The following ERC2 variants were observed in gnomAD, a reference collection of about 807,000 sequenced individuals.
The protein encoded by ERC2 is ELKS/RAB6-interacting/CAST family member 2.
In ERC2, 42 loss-of-function variants were observed where a neutral mutation model predicts 114.8. That is an observed-to-expected ratio of 0.37 (90% CI 0.29 to 0.47). The LOEUF (loss-of-function observed/expected upper bound fraction) is 0.47. Ranked by LOEUF, ERC2 falls within the 20% of genes least tolerant of loss-of-function variation. The pLI is 0.99. For synonymous variants in ERC2, 454 were observed against 425.5 expected, an observed-to-expected ratio of 1.07 and a Z score of -0.82; for missense variants, 939 against 1,150.7, an observed-to-expected ratio of 0.82 and a Z score of 2.66.
intron 4 of ERC2, among the ~76,000 whole-genome samples, chr3:56,168,665 T>C (rs1165035602): frequency 1.4e-4 from 22 of 152,200 alleles, no homozygotes. Flanking sequence ...GACTTCACAG[T>C]GTTCCAGTAC....
At chr3:55,608,665 T>C (rs2058751711) in intron 17 of ERC2, among the ~76,000 whole-genome samples, 1 of 152,210 alleles carries the variant, frequency 6.6e-6, no homozygotes, top group Non-Finnish European at 1.5e-5. Flanking sequence ...TAAACACCCT[T>C]GCTTCATTTG....
intron 2 of ERC2, among the ~76,000 whole-genome samples, chr3:56,331,028 T>A (rs769698387): frequency 5.3e-5 from 8 of 152,192 alleles, no homozygotes; most frequent in Admixed American, 2.0e-4. Flanking sequence ...AATTAACCAC[T>A]TGATATTTGT....
At chr3:55,606,385 T>C (rs2058642531) in intron 17 of ERC2, among the ~76,000 whole-genome samples, 2 of 152,082 alleles carry the variant, frequency 1.3e-5, no homozygotes, top group Admixed American at 1.3e-4. Flanking sequence ...ATTCAAAACA[T>C]CAAAAGCCAC....
chr3:55,705,592 C>T (rs944944968), intron 15 of ERC2, among the ~76,000 whole-genome samples: 4 of 151,388 alleles, frequency 2.6e-5, no homozygotes, highest in African/African-American at 9.7e-5. Flanking sequence ...ATGGGCCAGG[C>T]TCTTGGCATC....
chr3:56,185,845 G>A (rs1206099145), intron 3 of ERC2, among the ~76,000 whole-genome samples: 2 of 152,110 alleles, frequency 1.3e-5, no homozygotes, highest in Non-Finnish European at 2.9e-5. Context: ...TATAAAAGCT[G>A]AGAACTTTCT....
chr3:56,230,933 T>G (rs1560424512), intron 3 of ERC2, among the ~76,000 whole-genome samples: 1 of 152,236 alleles, frequency 6.6e-6, no homozygotes, highest in Non-Finnish European at 1.5e-5. Flanking sequence ...AAATTAAAAA[T>G]AGGATTAAAA....
intron 3 of ERC2, among the ~76,000 whole-genome samples, chr3:56,220,535 C>A (rs894054759): frequency 2.0e-5 from 3 of 152,170 alleles, no homozygotes; most frequent in Admixed American, 6.5e-5. Context: ...CGACTCACGG[C>A]CCAAAGCACA....
chr3:56,050,376 G>A (rs1342353870), intron 7 of ERC2, among the ~76,000 whole-genome samples: 1 of 152,212 alleles, frequency 6.6e-6, no homozygotes, highest in Non-Finnish European at 1.5e-5. Flanking sequence ...AGGGACCAGA[G>A]TAGAAACAAG....
At chr3:55,951,634 G>C (rs763384096) in intron 12 of ERC2, among the ~76,000 whole-genome samples, 2 of 152,220 alleles carry the variant, frequency 1.3e-5, no homozygotes, top group East Asian at 3.9e-4. Context: ...AGGGCAGTAC[G>C]GAGGGCTCGG....
At chr3:55,607,455 C>T (rs2058687523) in intron 17 of ERC2, among the ~76,000 whole-genome samples, 1 of 152,136 alleles carries the variant, frequency 6.6e-6, no homozygotes, top group African/African-American at 2.4e-5. Flanking sequence ...CTCAGCCATT[C>T]TGCAGCCTGT....
rs1222944036 is a variant in ERC2, at chr3:56,434,885, G to T, written c.123C>A (p.Gly41=). ...GGATATTCTCCATAGACAGAGTCTT[G>T]CCTGTTCCTCCACCTCCCCCACTAC... ...RTSSGGGGGT[G]KTLSMENIQS... Residue 41 remains glycine, a synonymous_variant, in exon 2 of 18, where the codon GGC becomes GGA. Transcript: ENST00000288221. 6.2e-6 allele frequency: 10 copies of T among 1,613,708 alleles called. No individual in the cohort carries two copies. The highest frequency in any genetic ancestry group is 2.2e-5 in the South Asian group (2 of 91,056).
intron 13 of ERC2, among the ~76,000 whole-genome samples, chr3:55,942,994 G>C (rs1385471459): frequency 6.6e-6 from 1 of 152,198 alleles, no homozygotes; most frequent in Non-Finnish European, 1.5e-5. Context: ...ATCTATTTGA[G>C]CTATTGGAAA....
At chr3:55,699,921 G>T (rs562629132) in intron 15 of ERC2, among the ~76,000 whole-genome samples, 14 of 152,122 alleles carry the variant, frequency 9.2e-5, no homozygotes, top group Non-Finnish European at 1.5e-4. Context: ...AGATGGGAAG[G>T]GCTGGGTAGA....
At chr3:55,984,528 G>A (rs554959627) in intron 12 of ERC2, among the ~76,000 whole-genome samples, 95 of 152,214 alleles carry the variant, frequency 6.2e-4, no homozygotes, top group African/African-American at 2.2e-3. Context: ...TTAAATGAGT[G>A]AATCAAAAAC....
At chr3:55,541,122 C>T (rs1305395859) in intron 17 of ERC2, among the ~76,000 whole-genome samples, 1 of 152,158 alleles carries the variant, frequency 6.6e-6, no homozygotes, top group African/African-American at 2.4e-5. Flanking sequence ...TCCTGAAATG[C>T]TATCTGAGAA....
intron 2 of ERC2, among the ~76,000 whole-genome samples, chr3:56,352,222 A>G (rs1465601675): frequency 6.6e-6 from 1 of 152,262 alleles, no homozygotes. Context: ...AGGCAGGTCA[A>G]GAGACTACTG....
chr3:55,934,279 C>A (rs1278049277), intron 13 of ERC2, among the ~76,000 whole-genome samples: 1 of 152,120 alleles, frequency 6.6e-6, no homozygotes, highest in Admixed American at 6.6e-5. Context: ...TACAGTTTAA[C>A]CCTAAGAGTT....
intron 15 of ERC2, among the ~76,000 whole-genome samples, chr3:55,733,515 C>G (rs1289148131): frequency 5.7e-5 from 6 of 105,524 alleles, no homozygotes; most frequent in African/African-American, 1.5e-4. Context: ...CTCTCATTCT[C>G]TCTGTCTCTC....
At chr3:56,258,498 C>CA (rs1367184883) in intron 3 of ERC2, among the ~76,000 whole-genome samples, 13 of 151,998 alleles carry the variant, frequency 8.6e-5, no homozygotes, top group Non-Finnish European at 1.6e-4. Flanking sequence ...ACTAAAAATA[C>CA]AAAAAATTAG....
Sources: gnomAD v4.1 joint callset for allele counts (sites outside exome capture counted in the v4.1 genomes callset) on GRCh38, gnomAD v4.1.1 for gene constraint, MANE v1.5 for transcripts, NCBI Gene and HGNC (gene_info 2026-07-23, HGNC 2026-07-21) for gene names.